The following COL24A1 variants were observed in gnomAD, a reference collection of about 807,000 sequenced individuals.
The protein encoded by COL24A1 is collagen alpha-1(XXIV) chain.
A neutral mutation model predicts 253.9 loss-of-function variants in COL24A1; 224 were observed. The ratio of observed to expected loss-of-function variants is 0.88; its 90% CI spans 0.79 to 0.99. COL24A1 has a LOEUF of 0.99. Among genes scored for constraint, COL24A1 ranks in the 50% least tolerant of loss-of-function variants. The pLI, the probability that COL24A1 is intolerant of heterozygous loss-of-function variation, is 0.00. For missense variants in COL24A1, 2,131 were observed against 2,068.5 expected (o/e 1.03, Z -0.59); for synonymous variants, 685 against 673.7 (o/e 1.02, Z -0.26).
At chr1:85,822,036 C>T (rs764506085) in intron 45 of COL24A1, among the ~76,000 whole-genome samples, 1 of 152,218 alleles carries the variant, frequency 6.6e-6, no homozygotes, top group Non-Finnish European at 1.5e-5. Context: ...CCAATGTTTT[C>T]TATGACTTTT....
Position 86,115,409 on chromosome 1 carries a change from T to A in COL24A1, c.1492-31A>T, listed in dbSNP as rs756748121. The A allele has an allele frequency of 2.4e-5, 39 of 1,595,358 alleles. 1 individual carries two copies. In the South Asian group the frequency reaches 4.3e-4, roughly 18 times the overall value. On this transcript the variant is annotated intron_variant, in intron 3 of 59. Coordinates refer to ENST00000370571, the MANE Select transcript of COL24A1 (RefSeq NM_152890.7). ...AAAACAAATGTCAAGACATTAGGCA[T>A]GATAGTGGACACATTTATTTTCTTA...
At chr1:85,786,535 G>C (rs1256615387) in intron 47 of COL24A1, 74 bp from the exon 48 acceptor site, 1 of 1,384,216 alleles carries the variant, frequency 7.2e-7, no homozygotes, top group Non-Finnish European at 1.0e-6. Flanking sequence ...ATAAAATGTA[G>C]GAAGAGTTGT....
chr1:85,773,477 C>T lies in COL24A1; in HGVS notation c.4374+2197G>A, dbSNP rs191368793. On this transcript the variant is annotated intron_variant, in intron 53 of 59. Transcript: ENST00000370571. The stretch of plus-strand genomic sequence containing the variant: ...ACTTTAGGCAGTATGGCCATTTTGA[C>T]GATATTGATTCTTCCTATTCATGAG... Among the ~76,000 whole-genome samples the T allele has an allele frequency of 1.2e-4, 19 of 152,114 alleles. No individual in the cohort carries two copies. The East Asian group carries it at 3.3e-3, about 26-fold the overall frequency.
chr1:86,128,723 T>C (rs999124113), intron 2 of COL24A1, among the ~76,000 whole-genome samples: 2 of 152,008 alleles, frequency 1.3e-5, no homozygotes, highest in African/African-American at 4.8e-5. Flanking sequence ...TAGTGGAGCT[T>C]TGATGACAAA....
intron 53 of COL24A1, among the ~76,000 whole-genome samples, chr1:85,763,593 G>C (rs1319796437): frequency 2.7e-5 from 4 of 147,266 alleles, no homozygotes; most frequent in African/African-American, 9.9e-5. Context: ...CCAGGTTCAA[G>C]TCATTCTCCT....
At chr1:85,782,633 G>C (rs1201026715) in intron 51 of COL24A1, among the ~76,000 whole-genome samples, 1 of 152,182 alleles carries the variant, frequency 6.6e-6, no homozygotes, top group Non-Finnish European at 1.5e-5. Flanking sequence ...ACAATTTATT[G>C]TAAGAGTTAG....
At chr1:85,982,053 G>A (rs1382074230) in intron 20 of COL24A1, among the ~76,000 whole-genome samples, 2 of 152,094 alleles carry the variant, frequency 1.3e-5, no homozygotes, top group South Asian at 4.1e-4. Flanking sequence ...TAAAGAAAAT[G>A]TGGTATATAC....
intron 19 of COL24A1, among the ~76,000 whole-genome samples, chr1:86,013,281 G>A (rs1465993690): frequency 6.6e-6 from 1 of 152,110 alleles, no homozygotes; most frequent in Non-Finnish European, 1.5e-5. Flanking sequence ...GCCCCTAATA[G>A]AATTACTTTC....
chr1:85,864,513 T>C (rs1348346300), intron 37 of COL24A1, among the ~76,000 whole-genome samples: 1 of 152,046 alleles, frequency 6.6e-6, no homozygotes, highest in East Asian at 1.9e-4. Context: ...GCACGTTGTG[T>C]ACATGTACCC....
chr1:86,081,140 G>C (rs1407224186), intron 7 of COL24A1, among the ~76,000 whole-genome samples: 2 of 152,104 alleles, frequency 1.3e-5, no homozygotes, highest in Non-Finnish European at 2.9e-5. Flanking sequence ...ATCAAAATTA[G>C]TTTGAAAGTG....
At chr1:86,017,048 A>G (rs1380868873) in intron 19 of COL24A1, 103 bp downstream of exon 19, 12 of 1,080,084 alleles carry the variant, frequency 1.1e-5, no homozygotes, top group Non-Finnish European at 6.7e-6. Context: ...TAAACTTTAA[A>G]GAGGATCTTT....
rs566696192 is a variant in COL24A1, at chr1:86,059,602, C to A, written c.1753-428G>T. 1.9e-4 allele frequency among the ~76,000 whole-genome samples: 29 copies of A among 152,282 alleles called. No homozygotes were observed. In the East Asian group the frequency reaches 5.0e-3, roughly 26 times the overall value. ...CAGTAAACCACAAAACCAACCTCTA[C>A]TTCTTTCCTAAAGTAAACTTAACCT... is the stretch of plus-strand genomic sequence containing the variant. On this transcript the variant is annotated intron_variant, in intron 8 of 59. Transcript: ENST00000370571.
At chr1:85,887,647 T>C (rs1682667558) in intron 32 of COL24A1, among the ~76,000 whole-genome samples, 1 of 152,172 alleles carries the variant, frequency 6.6e-6, no homozygotes, top group Non-Finnish European at 1.5e-5. Context: ...ATAACTGGAC[T>C]GAGGGCTGTA....
chr1:86,087,104 C>T (rs1380315084), intron 7 of COL24A1, among the ~76,000 whole-genome samples: 7 of 152,078 alleles, frequency 4.6e-5, no homozygotes, highest in Middle Eastern at 3.2e-3. Flanking sequence ...ATTGATAATA[C>T]GCCAAGATCC....
intron 24 of COL24A1, among the ~76,000 whole-genome samples, chr1:85,937,984 C>A (rs1688384658): frequency 6.8e-6 from 1 of 147,264 alleles, no homozygotes; most frequent in Admixed American, 6.8e-5. Context: ...AGAAGTGGGC[C>A]TATGACCATG....
intron 2 of COL24A1, among the ~76,000 whole-genome samples, chr1:86,129,788 CAATT>C (rs1648875157): frequency 1.3e-5 from 2 of 151,756 alleles, no homozygotes; most frequent in Admixed American, 6.6e-5. Flanking sequence ...TTTCAAAACT[CAATT>C]AGCCTCATAA....
intron 5 of COL24A1, among the ~76,000 whole-genome samples, chr1:86,110,591 CG>C (rs1438992322): frequency 6.6e-6 from 1 of 151,892 alleles, no homozygotes. Context: ...GGGCTGCGTG[CG>C]GCGCTCGCGA....
intron 47 of COL24A1, among the ~76,000 whole-genome samples, chr1:85,787,605 T>G (rs1184021969): frequency 6.6e-6 from 1 of 152,208 alleles, no homozygotes; most frequent in Non-Finnish European, 1.5e-5. Context: ...CTTTATCCAG[T>G]CTATCATTGA....
rs150003668 is a variant in COL24A1 at position 85,888,074 on chromosome 1, T to C, written c.2976+1486A>G. ...TCAGTGAATAGTATCATCAACTCTT[T>C]AATACAATAAGCCAGAAATTTAAGA... On this transcript the variant is annotated intron_variant, in intron 32 of 59. Coordinates refer to ENST00000370571, the MANE Select transcript of COL24A1 (RefSeq NM_152890.7). 2.2e-3 allele frequency among the ~76,000 whole-genome samples: 342 copies of C among 152,222 alleles called. 7 individuals are homozygous for C. In the East Asian group the frequency reaches 0.044, roughly 19 times the overall value.
Sources: gnomAD v4.1 joint callset for allele counts (sites outside exome capture counted in the v4.1 genomes callset) on GRCh38, gnomAD v4.1.1 for gene constraint, MANE v1.5 for transcripts, NCBI Gene and HGNC (gene_info 2026-07-23, HGNC 2026-07-21) for gene names.